The following FAAH2 variants were observed in gnomAD, a reference collection of about 807,000 sequenced individuals.
FAAH2 encodes the protein fatty-acid amide hydrolase 2.
In FAAH2, 60 loss-of-function variants were observed where a neutral mutation model predicts 36.9. That is an observed-to-expected ratio of 1.63 (90% CI 1.32 to 2.02). The LOEUF is 2.02. FAAH2 is among the 30% of genes most tolerant of loss of function. The pLI, the probability that FAAH2 is intolerant of heterozygous loss-of-function variation, is 0.00. For missense variants in FAAH2, 689 were observed against 397.5 expected (o/e 1.73, Z -6.23); for synonymous variants, 214 against 143.8 (o/e 1.49, Z -3.49).
chrX:57,487,841 A>G (rs776500350), intron 10 of FAAH2, among the ~76,000 whole-genome samples: 49 of 112,216 alleles, frequency 4.4e-4, no homozygotes, highest in Admixed American at 5.7e-4. Flanking sequence ...GTGTAATTAT[A>G]TTGCTGATTT....
At chrX:57,317,085 T>A (rs1284517148) in intron 3 of FAAH2, among the ~76,000 whole-genome samples, 1 of 111,384 alleles carries the variant, frequency 9.0e-6, no homozygotes, top group Non-Finnish European at 1.9e-5. Flanking sequence ...AGAGACATGA[T>A]CAGACATCAC....
rs752929061 is a variant in FAAH2 at position 57,381,081 on chromosome X, C to T, written c.996+52C>T. 6 of 905,710 alleles carry T rather than the reference C, an allele frequency of 6.6e-6. No individual in the cohort carries two copies. In the South Asian group the frequency reaches 9.5e-5, roughly 14 times the overall value. 74.6% of individuals were successfully genotyped at this position (905,710 alleles called of 1,213,427 possible). A position where few individuals can be genotyped will look rare whatever the true frequency, so the allele number is the denominator to read the frequency against. ...AATTATTTTTAGTCAAAGAGATATCCTTCTGAGCCCTTTACTTCACTTACT... is the reference window on the plus strand; with the variant it reads ...AATTATTTTTAGTCAAAGAGATATCTTTCTGAGCCCTTTACTTCACTTACT... On this transcript the variant is annotated intron_variant, in intron 7 of 10. Transcript: ENST00000374900.
chrX:57,311,436 A>G (rs1184073699), intron 3 of FAAH2, among the ~76,000 whole-genome samples: 1 of 111,943 alleles, frequency 8.9e-6, no homozygotes, highest in African/African-American at 3.2e-5. Context: ...CTATAGGGGA[A>G]CCCTTGTCGC....
chrX:57,364,778 T>A (rs1052197359), intron 5 of FAAH2, among the ~76,000 whole-genome samples: 3 of 111,258 alleles, frequency 2.7e-5, no homozygotes, highest in Non-Finnish European at 3.8e-5. Flanking sequence ...TTCAAAAAGT[T>A]TTTTTGGTTA....
chrX:57,354,001 T>C (rs1267913479), intron 5 of FAAH2, among the ~76,000 whole-genome samples: 1 of 110,519 alleles, frequency 9.0e-6, no homozygotes, highest in Non-Finnish European at 1.9e-5. Context: ...TGTGCCAATA[T>C]AAACAAGTGT....
chrX:57,317,409 A>C (rs2052873445), intron 3 of FAAH2, among the ~76,000 whole-genome samples: 1 of 112,365 alleles, frequency 8.9e-6, no homozygotes, highest in Non-Finnish European at 1.9e-5. Flanking sequence ...AAAGATGAAA[A>C]AAGACAAAGA....
At chrX:57,393,685 G>A in intron 7 of FAAH2, 2 of 995,212 alleles carry the variant, frequency 2.0e-6, no homozygotes. Flanking sequence ...CCACCATTTT[G>A]CCCAGTCTCT....
intron 2 of FAAH2, among the ~76,000 whole-genome samples, chrX:57,307,238 A>G (rs1489045659): frequency 9.3e-6 from 1 of 107,095 alleles, no homozygotes; most frequent in African/African-American, 3.3e-5. Context: ...TAGTAGTATC[A>G]GTGATAGTTA....
intron 10 of FAAH2, among the ~76,000 whole-genome samples, chrX:57,452,734 A>G (rs372424412): frequency 2.7e-5 from 3 of 112,464 alleles, no homozygotes; most frequent in East Asian, 5.5e-4. Flanking sequence ...CAAGCAAACC[A>G]GCAATAAAAC....
At chrX:57,322,158 G>A (rs1427946063) in intron 3 of FAAH2, among the ~76,000 whole-genome samples, 13 of 110,879 alleles carry the variant, frequency 1.2e-4, no homozygotes, top group African/African-American at 3.3e-4. Context: ...ATCCGCCACC[G>A]CGCCTGGCTA....
chrX:57,279,361 C>G, the FAAH2 span, among the ~76,000 whole-genome samples: 7 of 112,176 alleles, frequency 6.2e-5, no homozygotes, highest in Non-Finnish European at 1.3e-4. Flanking sequence ...AGCAGAAAAC[C>G]AAACACTGCG....
At chrX:57,471,648 G>A (rs1218461710) in intron 10 of FAAH2, among the ~76,000 whole-genome samples, 4 of 111,711 alleles carry the variant, frequency 3.6e-5, no homozygotes, top group African/African-American at 1.3e-4. Flanking sequence ...AATCAATATC[G>A]TGAAAATGGC....
chrX:57,293,223 T>A (rs1054416991), intron 2 of FAAH2, among the ~76,000 whole-genome samples: 3 of 111,666 alleles, frequency 2.7e-5, no homozygotes, highest in African/African-American at 9.8e-5. Flanking sequence ...GTTAATATAC[T>A]TATTAAAATT....
chrX:57,284,237 G>T (rs1307977450), upstream of FAAH2, among the ~76,000 whole-genome samples: 1 of 111,612 alleles, frequency 9.0e-6, no homozygotes, highest in Non-Finnish European at 1.9e-5. Context: ...ATCTGGGCAT[G>T]GTGGTGGGTG....
intron 5 of FAAH2, among the ~76,000 whole-genome samples, chrX:57,356,828 T>A (rs1006389103): frequency 9.0e-6 from 1 of 111,054 alleles, no homozygotes; most frequent in South Asian, 3.8e-4. Flanking sequence ...CTGGGATACA[T>A]GTGGAGAATG....
chrX:57,339,944 T>A (rs1372318117), intron 4 of FAAH2, among the ~76,000 whole-genome samples: 1 of 111,306 alleles, frequency 9.0e-6, no homozygotes, highest in Non-Finnish European at 1.9e-5. Flanking sequence ...ATAGGATAGA[T>A]TTATACATGA....
intron 2 of FAAH2, among the ~76,000 whole-genome samples, chrX:57,303,670 G>A (rs2052440274): frequency 8.9e-6 from 1 of 111,779 alleles, no homozygotes; most frequent in Non-Finnish European, 1.9e-5. Context: ...CAAAGCCTGG[G>A]ATTTGACCAC....
intron 7 of FAAH2, among the ~76,000 whole-genome samples, chrX:57,407,236 C>T (rs1164124116): frequency 8.9e-6 from 1 of 111,828 alleles, no homozygotes; most frequent in East Asian, 2.8e-4. Context: ...GAAATAAGAG[C>T]TGAGATTCCA....
chrX:57,175,905 G>T, the FAAH2 span, among the ~76,000 whole-genome samples: 1 of 111,857 alleles, frequency 8.9e-6, no homozygotes, highest in African/African-American at 3.2e-5. Context: ...GACCCCAATT[G>T]GTTCTGGTTT....
Sources: gnomAD v4.1 joint callset for allele counts (sites outside exome capture counted in the v4.1 genomes callset) on GRCh38, gnomAD v4.1.1 for gene constraint, MANE v1.5 for transcripts, NCBI Gene and HGNC (gene_info 2026-07-23, HGNC 2026-07-21) for gene names.